NLK: variants seen among roughly 807,000 people sequenced by gnomAD.
NLK encodes the protein nemo like kinase, also known as serine/threonine-protein kinase NLK.
NLK carries 11 observed loss-of-function variants against 59.0 expected under a neutral mutation model. That is an observed-to-expected ratio of 0.19 (90% CI 0.12 to 0.31). The LOEUF is 0.31. Ranked by LOEUF, NLK falls within the 10% of genes least tolerant of loss-of-function variation. NLK has a pLI of 1.00. For synonymous variants in NLK, 235 were observed against 235.9 expected (o/e 1.00, Z 0.03); for missense variants, 410 against 661.1 (o/e 0.62, Z 4.16).
At chr17:28,169,032 C>T (rs1400470008) in intron 6 of NLK, among the ~76,000 whole-genome samples, 7 of 151,906 alleles carry the variant, frequency 4.6e-5, no homozygotes, top group Non-Finnish European at 5.9e-5. Flanking sequence ...ATTACAGGCA[C>T]GCTCCACCAC....
At chr17:28,173,357 C>T (rs948577706) in intron 7 of NLK, among the ~76,000 whole-genome samples, 1 of 152,074 alleles carries the variant, frequency 6.6e-6, no homozygotes, top group South Asian at 2.1e-4. Flanking sequence ...TTGAATTGGA[C>T]GTTTAGATTA....
chr17:28,084,868 C>T (rs1291305917), intron 1 of NLK, among the ~76,000 whole-genome samples: 2 of 151,988 alleles, frequency 1.3e-5, no homozygotes, highest in African/African-American at 2.4e-5. Flanking sequence ...AGCCCCTGTC[C>T]CTACCTTTTC....
intron 1 of NLK, among the ~76,000 whole-genome samples, chr17:28,075,474 G>A (rs1355625627): frequency 6.6e-6 from 1 of 152,184 alleles, no homozygotes; most frequent in Non-Finnish European, 1.5e-5. Flanking sequence ...CAACTTCTTA[G>A]CATTGCTTAG....
At position 28,163,620 on chromosome 17, in the gene NLK, G is replaced by C; in HGVS notation, c.829G>C (p.Val277Leu). Residue 277 changes from valine (V) to leucine (L), a missense_variant, in exon 5 of 11, where the codon GTT becomes CTT. Physicochemically the swap from Val to Leu is conservative, Grantham distance 32. Around this residue, in one of 5 missense-constraint regions of NLK, gnomAD observed 73 missense variants for 197.2 expected, o/e 0.37. Transcript: ENST00000407008. ...GAATCTCCTTGTGAACAGCAACTGT[G>C]TTCTAAAGGTAGCTTTTCAGTTTAT... ...PGNLLVNSNC[V>L]LKICDFGLAR... The C allele has an allele frequency of 1.3e-6, 2 of 1,589,126 alleles. No homozygotes were observed. Among genetic ancestry groups the C allele is most frequent in the Non-Finnish European group, 1.7e-6 (2 of 1,160,150 alleles).
chr17:28,079,693 T>C (rs769126070), intron 1 of NLK, among the ~76,000 whole-genome samples: 9 of 152,174 alleles, frequency 5.9e-5, no homozygotes, highest in Non-Finnish European at 1.0e-4. Context: ...TATTTTGTTG[T>C]TGTTGAGTTG....
the NLK span, among the ~76,000 whole-genome samples, chr17:28,204,529 A>C: frequency 6.6e-6 from 1 of 152,212 alleles, no homozygotes; most frequent in African/African-American, 2.4e-5. Context: ...TAAGCCATGC[A>C]GCCATTGAAA....
At chr17:28,068,556 G>A (rs1909909828) in intron 1 of NLK, among the ~76,000 whole-genome samples, 1 of 152,132 alleles carries the variant, frequency 6.6e-6, no homozygotes, top group Admixed American at 6.5e-5. Context: ...GATTTACCTT[G>A]TGGCCTTGTA....
At chr17:28,084,490 G>A (rs1182480171) in intron 1 of NLK, among the ~76,000 whole-genome samples, 1 of 152,154 alleles carries the variant, frequency 6.6e-6, no homozygotes, top group Non-Finnish European at 1.5e-5. Flanking sequence ...GGTGGTAATA[G>A]GAGTAAGTCT....
intron 3 of NLK, among the ~76,000 whole-genome samples, chr17:28,148,626 A>G (rs1378245624): frequency 3.3e-5 from 5 of 152,198 alleles, no homozygotes; most frequent in African/African-American, 4.8e-5. Context: ...TTTCTTCACT[A>G]GCAGTTTAGA....
chr17:28,122,874 T>G, intron 2 of NLK, 142 bp downstream of exon 2: 1 of 827,760 alleles, frequency 1.2e-6, no homozygotes, highest in Non-Finnish European at 1.9e-6. Flanking sequence ...TGAAAAGAAA[T>G]AAGCGCACCA....
intron 3 of NLK, among the ~76,000 whole-genome samples, chr17:28,149,537 T>C (rs1597710786): frequency 6.6e-6 from 1 of 152,242 alleles, no homozygotes; most frequent in Non-Finnish European, 1.5e-5. Context: ...TCTTTAGTTA[T>C]TGGAAATTAG....
chr17:28,105,983 C>A (rs1009614357), intron 1 of NLK, among the ~76,000 whole-genome samples: 6 of 152,162 alleles, frequency 3.9e-5, no homozygotes, highest in Admixed American at 6.5e-5. Context: ...TCCATTATTG[C>A]TCTATTTACC....
chr17:28,152,005 A>T (rs1907500295), intron 3 of NLK, among the ~76,000 whole-genome samples: 1 of 152,156 alleles, frequency 6.6e-6, no homozygotes, highest in Non-Finnish European at 1.5e-5. Context: ...CAGTTTTTTG[A>T]TATCTGGTAA....
chr17:28,146,875 T>A (rs1023943380), intron 3 of NLK, among the ~76,000 whole-genome samples: 1 of 152,212 alleles, frequency 6.6e-6, no homozygotes, highest in East Asian at 1.9e-4. Flanking sequence ...TAAACCTCTT[T>A]GCTCTGTATA....
At chr17:28,099,969 C>T (rs1228625071) in intron 1 of NLK, among the ~76,000 whole-genome samples, 1 of 152,140 alleles carries the variant, frequency 6.6e-6, no homozygotes, top group Non-Finnish European at 1.5e-5. Context: ...GTGTTCTTTG[C>T]TATGGATGTA....
intron 1 of NLK, chr17:28,048,330 G>GA (rs1346580809): frequency 1.1e-5 from 2 of 180,310 alleles, no homozygotes; most frequent in Non-Finnish European, 2.3e-5. Context: ...AAATAAACTT[G>GA]TTTTATTCTT....
At chr17:28,177,943 T>C (rs1389752957) in intron 7 of NLK, among the ~76,000 whole-genome samples, 1 of 152,078 alleles carries the variant, frequency 6.6e-6, no homozygotes, top group Non-Finnish European at 1.5e-5. Flanking sequence ...AGAAATCACA[T>C]CGATATTCAA....
In NLK at chr17:28,043,022, A is replaced by C; in HGVS notation, c.149A>C (p.Gln50Pro). 1 of 1,556,176 alleles carries C rather than the reference A, an allele frequency of 6.4e-7. No individual in the cohort carries two copies. Among genetic ancestry groups the C allele is most frequent in the Non-Finnish European group, 8.7e-7 (1 of 1,149,294 alleles). The change falls in exon 1 of 11, where the codon CAA becomes CCA. Residue 50 changes from glutamine (Q) to proline (P), a missense_variant. By Grantham distance (76) the Gln-to-Pro change is moderately conservative. This residue lies in a region of NLK where 160 missense variants were observed against 171.0 expected (regional missense o/e 0.94). Coordinates refer to ENST00000407008, the MANE Select transcript of NLK (RefSeq NM_016231.5). ...PPHLHHHHHPQHHLHPGSAAA... is the reference protein window; with the variant it reads ...PPHLHHHHHPPHHLHPGSAAA... Reference sequence around the variant, plus strand: ...CACCTGCACCACCACCACCACCCTCAACACCATCTTCATCCGGGGTCGGCT... The same window carrying C: ...CACCTGCACCACCACCACCACCCTCCACACCATCTTCATCCGGGGTCGGCT...
At chr17:28,134,078 G>GA (rs915837604) in intron 3 of NLK, among the ~76,000 whole-genome samples, 7 of 148,938 alleles carry the variant, frequency 4.7e-5, no homozygotes, top group East Asian at 1.9e-4. Flanking sequence ...AAAAATATTT[G>GA]AAAAAAAAAT....
Sources: allele counts gnomAD v4.1 joint callset (sites outside exome capture counted in the v4.1 genomes callset), GRCh38; gene constraint gnomAD v4.1.1; regional missense constraint gnomAD v4.1.1; transcripts MANE v1.5; gene names NCBI Gene and HGNC (gene_info 2026-07-23, HGNC 2026-07-21).